HEXB: variants seen among roughly 807,000 people sequenced by gnomAD.
The protein encoded by HEXB is beta-hexosaminidase subunit beta.
In HEXB, 51 loss-of-function variants were observed where a neutral mutation model predicts 71.2. The observed-to-expected ratio is 0.72, with a 90% confidence interval of 0.57 to 0.90. The LOEUF (loss-of-function observed/expected upper bound fraction) is 0.90. Among genes scored for constraint, HEXB ranks in the 40% least tolerant of loss-of-function variants. The pLI is 0.00. For missense variants in HEXB, 617 were observed against 677.0 expected, an observed-to-expected ratio of 0.91 and a Z score of 0.98; for synonymous variants, 266 against 249.3, an observed-to-expected ratio of 1.07 and a Z score of -0.63.
chr5:74,675,320 G>A (rs1266973512), intron 1 of HEXB, among the ~76,000 whole-genome samples: 7 of 152,128 alleles, frequency 4.6e-5, no homozygotes, highest in Non-Finnish European at 1.5e-5. Flanking sequence ...CTGGATTCTT[G>A]CTAGAACTGG....
chr5:74,684,682 T>C (rs374798280), upstream of HEXB, among the ~76,000 whole-genome samples: 22 of 146,620 alleles, frequency 1.5e-4, no homozygotes, highest in East Asian at 1.8e-3. Flanking sequence ...TTCTTTTTTT[T>C]TTTTTTTTTT....
chr5:74,703,149 C>T (rs11743615), intron 5 of HEXB, among the ~76,000 whole-genome samples: 14,541 of 152,216 alleles, frequency 0.096, 881 homozygotes, highest in East Asian at 0.14. Flanking sequence ...GATGGGGTTT[C>T]GCCATGTTGG....
At chr5:74,696,930 T>C in intron 4 of HEXB, 66 bp from the exon 5 acceptor site, 1 of 862,894 alleles carries the variant, frequency 1.2e-6, no homozygotes, top group Non-Finnish European at 2.0e-6. Flanking sequence ...TAAATAGATT[T>C]AGTCTTCATT....
chr5:74,684,116 G>A (rs902534915), upstream of HEXB, among the ~76,000 whole-genome samples: 4 of 152,150 alleles, frequency 2.6e-5, no homozygotes, highest in African/African-American at 9.7e-5. Context: ...GCCGCACCTG[G>A]CCTAATCATT....
chr5:74,648,428 G>A (rs1291636271), intron 1 of HEXB, among the ~76,000 whole-genome samples: 2 of 152,206 alleles, frequency 1.3e-5, no homozygotes, highest in East Asian at 3.8e-4. Context: ...AAGGACAAGA[G>A]GAAAGGTGCA....
At chr5:74,671,331 C>G (rs949449972) in intron 1 of HEXB, among the ~76,000 whole-genome samples, 1 of 152,088 alleles carries the variant, frequency 6.6e-6, no homozygotes, top group African/African-American at 2.4e-5. Context: ...CTGAGTACTA[C>G]TCAGCAATAA....
At chr5:74,687,169 T>A (rs1169418544) in intron 1 of HEXB, among the ~76,000 whole-genome samples, 1 of 152,234 alleles carries the variant, frequency 6.6e-6, no homozygotes, top group East Asian at 1.9e-4. Context: ...ATAAAATGTG[T>A]TGGCCCTTAT....
chr5:74,667,240 C>CCCTGCT (rs1226121402), intron 1 of HEXB, among the ~76,000 whole-genome samples: 1 of 140,756 alleles, frequency 7.1e-6, no homozygotes, highest in Non-Finnish European at 1.5e-5. Flanking sequence ...AATGGAGAAA[C>CCCTGCT]CCTGCTCTAC....
intron 1 of HEXB, among the ~76,000 whole-genome samples, chr5:74,643,317 T>A (rs1345762937): frequency 1.3e-5 from 2 of 152,118 alleles, no homozygotes; most frequent in East Asian, 3.9e-4. Flanking sequence ...ATCACCCCAC[T>A]CACACAAAGA....
At chr5:74,676,812 T>C (rs1446551403) in intron 1 of HEXB, among the ~76,000 whole-genome samples, 1 of 152,192 alleles carries the variant, frequency 6.6e-6, no homozygotes, top group African/African-American at 2.4e-5. Flanking sequence ...CAGTTCCTAG[T>C]TGTTTATCCA....
intron 1 of HEXB, among the ~76,000 whole-genome samples, chr5:74,655,484 GT>G (rs147504831): frequency 0.26 from 38,983 of 151,032 alleles, 5,355 homozygotes; most frequent in Admixed American, 0.37. Context: ...AGCTAAGTTT[GT>G]TTTTTTGTTT....
In HEXB at chr5:74,652,872, G is replaced by A. The variant is rs1748146432; in HGVS notation, c.-377+12314G>A. Among the ~76,000 whole-genome samples the A allele has an allele frequency of 6.6e-6, 1 of 152,050 alleles. No individual in the cohort carries two copies. The highest frequency in any genetic ancestry group is 1.5e-5 in the Non-Finnish European group (1 of 68,008). ...AGCAAGGGGGAAAAGCCTCCCTCTTGGGCGACTACACACATCTACGCTAGT... is the reference window on the plus strand; with the variant it reads ...AGCAAGGGGGAAAAGCCTCCCTCTTAGGCGACTACACACATCTACGCTAGT... On this transcript the variant is annotated intron_variant, in intron 1 of 13. Coordinates refer to the HEXB transcript ENST00000511181. This position sits in a 1 kb window ranked among gnomAD's most constrained non-coding sequence, Gnocchi z 5.4.
chr5:74,667,185 C>A (rs1748447041), intron 1 of HEXB, among the ~76,000 whole-genome samples: 1 of 151,962 alleles, frequency 6.6e-6, no homozygotes, highest in African/African-American at 2.4e-5. Context: ...GAGGCCGAGG[C>A]AGGCAGATCA....
intron 10 of HEXB, 67 bp downstream of exon 10, chr5:74,718,430 G>T: frequency 8.6e-7 from 1 of 1,169,142 alleles, no homozygotes; most frequent in East Asian, 2.3e-5. Context: ...GGGCAACTGG[G>T]AATTTGCAAG....
intron 1 of HEXB, among the ~76,000 whole-genome samples, chr5:74,643,375 G>T (rs1259308160): frequency 6.6e-6 from 1 of 152,150 alleles, no homozygotes; most frequent in East Asian, 1.9e-4. Flanking sequence ...TTCTAAACAG[G>T]GCTGTCATCA....
intron 1 of HEXB, among the ~76,000 whole-genome samples, chr5:74,651,611 C>G (rs370382114): frequency 6.6e-6 from 1 of 152,118 alleles, no homozygotes; most frequent in Admixed American, 6.5e-5. Flanking sequence ...AGGGACATCA[C>G]TTAAAGGAGG....
chr5:74,706,551 G>A (rs899921194), intron 6 of HEXB, among the ~76,000 whole-genome samples: 24 of 152,204 alleles, frequency 1.6e-4, no homozygotes, highest in Non-Finnish European at 1.8e-4. Flanking sequence ...GTCAAAGAAA[G>A]GGGTGACACA....
upstream of HEXB, among the ~76,000 whole-genome samples, chr5:74,681,514 G>T (rs1748738873): frequency 6.6e-6 from 1 of 152,142 alleles, no homozygotes; most frequent in South Asian, 2.1e-4. Context: ...TTGAGCCCAA[G>T]CCCAAGTCCA....
At chr5:74,649,959 T>C (rs1748072746) in intron 1 of HEXB, among the ~76,000 whole-genome samples, 1 of 152,242 alleles carries the variant, frequency 6.6e-6, no homozygotes, top group South Asian at 2.1e-4. Flanking sequence ...AGCATCTTTT[T>C]CCCACTTTGA....
Sources: allele counts gnomAD v4.1 joint callset (sites outside exome capture counted in the v4.1 genomes callset), GRCh38; gene constraint gnomAD v4.1.1; non-coding constraint Gnocchi (gnomAD v3.1); transcripts MANE v1.5; gene names NCBI Gene and HGNC (gene_info 2026-07-23, HGNC 2026-07-21).